EPB41L4B: variants seen among roughly 807,000 people sequenced by gnomAD.
EPB41L4B encodes erythrocyte membrane protein band 4.1 like 4B.
EPB41L4B carries 30 observed loss-of-function variants against 112.5 expected under a neutral mutation model. The ratio of observed to expected loss-of-function variants is 0.27; its 90% CI spans 0.20 to 0.36. The LOEUF (loss-of-function observed/expected upper bound fraction) is 0.36. Among genes scored for constraint, EPB41L4B ranks in the 10% least tolerant of loss-of-function variants. EPB41L4B has a pLI of 1.00. For synonymous variants in EPB41L4B, 408 were observed against 439.7 expected (o/e 0.93, Z 0.90); for missense variants, 1,024 against 1,133.3 (o/e 0.90, Z 1.38).
chr9:109,272,116 G>A (rs184254863), intron 2 of EPB41L4B, among the ~76,000 whole-genome samples: 89 of 152,226 alleles, frequency 5.8e-4, no homozygotes, highest in Admixed American at 1.5e-3. Context: ...TCTGAGTGAC[G>A]AAACTCATAA....
intron 11 of EPB41L4B, 72 bp from the exon 12 acceptor site, chr9:109,253,622 A>G: frequency 1.0e-6 from 1 of 993,448 alleles, no homozygotes; most frequent in South Asian, 1.3e-5. Context: ...TTGAAAGTGC[A>G]CTTTTATTTC....
intron 20 of EPB41L4B, among the ~76,000 whole-genome samples, chr9:109,197,769 G>A (rs1481354073): frequency 2.1e-5 from 3 of 144,676 alleles, no homozygotes; most frequent in Non-Finnish European, 3.0e-5. Flanking sequence ...GCAGTGAGCC[G>A]AGATTGTGCC....
chr9:109,200,059 G>A (rs1832769451), intron 20 of EPB41L4B, among the ~76,000 whole-genome samples, 177 bp downstream of exon 20: 1 of 152,162 alleles, frequency 6.6e-6, no homozygotes, highest in African/African-American at 2.4e-5. Flanking sequence ...GAATCCTTAT[G>A]CTAACTATGT....
At chr9:109,309,215 G>A (rs1053752872) in intron 1 of EPB41L4B, among the ~76,000 whole-genome samples, 4 of 152,102 alleles carry the variant, frequency 2.6e-5, no homozygotes, top group Non-Finnish European at 4.4e-5. Context: ...TATAGTTCTC[G>A]CTACTCTGGA....
chr9:109,228,012 A>C (rs1833841986), intron 15 of EPB41L4B, among the ~76,000 whole-genome samples: 1 of 152,204 alleles, frequency 6.6e-6, no homozygotes, highest in Non-Finnish European at 1.5e-5. Context: ...AATCACGTGA[A>C]TTTTGTTTCT....
chr9:109,281,714 AAATAAATAAATTAATT>A (rs1443570939), intron 1 of EPB41L4B, among the ~76,000 whole-genome samples: 60 of 124,854 alleles, frequency 4.8e-4, no homozygotes, highest in Middle Eastern at 4.0e-3. Flanking sequence ...ATAAATAAAT[AAATAAATAAATTAATT>A]AATTAATTTT....
intron 1 of EPB41L4B, among the ~76,000 whole-genome samples, chr9:109,294,856 C>A (rs531506022): frequency 6.6e-6 from 1 of 152,160 alleles, no homozygotes; most frequent in Non-Finnish European, 1.5e-5. Context: ...ATTTTTAAAT[C>A]TCCATAATAA....
At chr9:109,250,020 GGGA>G (rs1162511667) in intron 13 of EPB41L4B, among the ~76,000 whole-genome samples, 1 of 152,180 alleles carries the variant, frequency 6.6e-6, no homozygotes, top group Non-Finnish European at 1.5e-5. Context: ...GCTACGGGGT[GGGA>G]GGAGTGGCAG....
chr9:109,228,611 T>C (rs1232338989), intron 15 of EPB41L4B, among the ~76,000 whole-genome samples: 2 of 152,226 alleles, frequency 1.3e-5, no homozygotes, highest in Admixed American at 1.3e-4. Flanking sequence ...GCAGTTAGTA[T>C]AGTGACTAGC....
At chr9:109,254,681 G>A (rs1477455744) in intron 11 of EPB41L4B, among the ~76,000 whole-genome samples, 1 of 152,104 alleles carries the variant, frequency 6.6e-6, no homozygotes, top group Non-Finnish European at 1.5e-5. Flanking sequence ...TGACTGCAAA[G>A]GTCTCAGATG....
intron 17 of EPB41L4B, among the ~76,000 whole-genome samples, chr9:109,212,550 C>T (rs985419413): frequency 7.2e-5 from 11 of 152,226 alleles, no homozygotes; most frequent in Admixed American, 3.3e-4. Context: ...AACTTTAGGC[C>T]GCCCTGCTGA....
intron 18 of EPB41L4B, among the ~76,000 whole-genome samples, chr9:109,207,359 C>T (rs991125657): frequency 6.6e-6 from 1 of 152,006 alleles, no homozygotes; most frequent in African/African-American, 2.4e-5. Flanking sequence ...TGCTTGAGTC[C>T]AGGAGTTCGA....
At chr9:109,286,741 G>C (rs1156373967) in intron 1 of EPB41L4B, among the ~76,000 whole-genome samples, 1 of 152,170 alleles carries the variant, frequency 6.6e-6, no homozygotes, top group Admixed American at 6.5e-5. Context: ...AGTACTTCTT[G>C]AGGGGCCAAG....
chr9:109,310,829 C>T (rs1209212587), intron 1 of EPB41L4B, among the ~76,000 whole-genome samples: 1 of 152,224 alleles, frequency 6.6e-6, no homozygotes, highest in African/African-American at 2.4e-5. Context: ...GTGGTATACT[C>T]TTACAAGAGA....
intron 18 of EPB41L4B, among the ~76,000 whole-genome samples, chr9:109,205,298 G>T (rs1241885455): frequency 6.6e-6 from 1 of 152,070 alleles, no homozygotes; most frequent in Non-Finnish European, 1.5e-5. Context: ...TGTCCTTTTG[G>T]CTAGGAAATG....
chr9:109,206,520 G>A lies in EPB41L4B; in HGVS notation c.1878+1404C>T, dbSNP rs766055508. On this transcript the variant is annotated intron_variant, in intron 18 of 25. Coordinates refer to ENST00000374566, the MANE Select transcript of EPB41L4B (RefSeq NM_019114.5). The stretch of plus-strand genomic sequence containing the variant: ...TTATATATTTTTCTAATGAAATCAC[G>A]GACTGCAGCTTTTTATAATATTTCC... Among the ~76,000 whole-genome samples the A allele has an allele frequency of 5.9e-5, 9 of 152,260 alleles. No individual in the cohort carries two copies. The East Asian group carries it at 1.2e-3, about 20-fold the overall frequency.
At chr9:109,230,908 A>G (rs900940187) in intron 15 of EPB41L4B, among the ~76,000 whole-genome samples, 7 of 152,206 alleles carry the variant, frequency 4.6e-5, no homozygotes, top group Non-Finnish European at 8.8e-5. Context: ...CTGTAATCCC[A>G]ACACTGGGAG....
chr9:109,271,140 C>T (rs956948893), intron 2 of EPB41L4B, among the ~76,000 whole-genome samples: 1 of 152,218 alleles, frequency 6.6e-6, no homozygotes, highest in Non-Finnish European at 1.5e-5. Flanking sequence ...GGTGTGCATT[C>T]ACAGGCAGAC....
intron 15 of EPB41L4B, among the ~76,000 whole-genome samples, chr9:109,219,663 C>G (rs925353833): frequency 6.6e-6 from 1 of 152,182 alleles, no homozygotes; most frequent in Non-Finnish European, 1.5e-5. Context: ...CACCTTTGTC[C>G]ATTTTCTATA....
Sources: allele counts gnomAD v4.1 joint callset (sites outside exome capture counted in the v4.1 genomes callset), GRCh38; gene constraint gnomAD v4.1.1; transcripts MANE v1.5; gene names NCBI Gene and HGNC (gene_info 2026-07-23, HGNC 2026-07-21).